Variants in KCNT2 observed in about 807,000 individuals in gnomAD.
KCNT2 encodes potassium sodium-activated channel subfamily T member 2, also known as potassium channel subfamily T member 2.
Under a neutral mutation model 153.8 loss-of-function variants are expected in KCNT2, and 67 were observed. The ratio of observed to expected loss-of-function variants is 0.44; its 90% CI spans 0.36 to 0.53. The LOEUF (loss-of-function observed/expected upper bound fraction) is 0.53, where lower values mean the gene tolerates loss of function less well. KCNT2 is among the 20% of genes least tolerant of loss of function. The pLI, the probability that KCNT2 is intolerant of heterozygous loss-of-function variation, is 0.00. For missense variants in KCNT2, 975 were observed against 1,354.8 expected, an observed-to-expected ratio of 0.72 and a Z score of 4.40; for synonymous variants, 500 against 458.8, an observed-to-expected ratio of 1.09 and a Z score of -1.15.
chr1:196,423,148 C>A, intron 11 of KCNT2, 35 bp from the exon 12 acceptor site: 1 of 1,345,910 alleles, frequency 7.4e-7, no homozygotes, highest in Non-Finnish European at 1.0e-6. Context: ...TAATCACACA[C>A]TGAAATATCT....
intron 12 of KCNT2, among the ~76,000 whole-genome samples, chr1:196,414,208 A>G (rs1672569507): frequency 6.6e-6 from 1 of 151,722 alleles, no homozygotes. Context: ...TTCACACGTA[A>G]CAGATTATTC....
At chr1:196,528,002 G>A (rs1654467099) in intron 1 of KCNT2, among the ~76,000 whole-genome samples, 1 of 152,174 alleles carries the variant, frequency 6.6e-6, no homozygotes, top group Non-Finnish European at 1.5e-5. Flanking sequence ...GGTCAGTAAT[G>A]GAATGACAGC....
intron 1 of KCNT2, among the ~76,000 whole-genome samples, chr1:196,492,935 G>T (rs576928172): frequency 6.6e-6 from 1 of 152,040 alleles, no homozygotes; most frequent in African/African-American, 2.4e-5. Context: ...AACTGTTAAG[G>T]TTACCACAGA....
intron 25 of KCNT2, among the ~76,000 whole-genome samples, chr1:196,265,074 C>T (rs535978325): frequency 2.6e-5 from 4 of 152,270 alleles, no homozygotes; most frequent in Admixed American, 2.0e-4. Context: ...CCTTTCAATA[C>T]CCTCTTAGTG....
rs1660007240 is a variant in KCNT2, at chr1:196,289,675, GCAAAGCTTTT to G, written c.2596-3927_2596-3918del. Among the ~76,000 whole-genome samples, 5 of 152,030 alleles carry G rather than the reference GCAAAGCTTTT, an allele frequency of 3.3e-5. No homozygotes were observed. The South Asian group carries it at 8.3e-4, about 25-fold the overall frequency. On this transcript the variant is annotated intron_variant, in intron 22 of 27. Coordinates refer to ENST00000294725, the MANE Select transcript of KCNT2 (RefSeq NM_198503.5). ...GTGAAGAATTGTAATGTCACAATAT[GCAAAGCTTTT>G]TTACTTTACTATGTCTAGTTATTGG...
intron 13 of KCNT2, among the ~76,000 whole-genome samples, chr1:196,391,469 G>T (rs1670487846): frequency 6.6e-6 from 1 of 151,180 alleles, no homozygotes; most frequent in African/African-American, 2.4e-5. Context: ...AAAAAAATAA[G>T]TATTATTTTA....
chr1:196,541,184 T>A (rs1057466331), intron 1 of KCNT2, among the ~76,000 whole-genome samples: 7 of 152,066 alleles, frequency 4.6e-5, no homozygotes, highest in Middle Eastern at 6.8e-3. Flanking sequence ...AAAATTATTA[T>A]ATCTCTTAGT....
chr1:196,587,846 G>A (rs950871854), intron 1 of KCNT2, among the ~76,000 whole-genome samples: 3 of 151,950 alleles, frequency 2.0e-5, no homozygotes, highest in Non-Finnish European at 2.9e-5. Context: ...AAAGTCCACT[G>A]CAAAATTAAG....
chr1:196,502,209 C>T lies in KCNT2; in HGVS notation c.96-9868G>A, dbSNP rs577735454. Among the ~76,000 whole-genome samples the T allele has an allele frequency of 1.1e-4, 17 of 152,252 alleles. No homozygotes were observed. The South Asian group carries it at 2.1e-3, about 19-fold the overall frequency. On this transcript the variant is annotated intron_variant, in intron 1 of 27. Coordinates refer to ENST00000294725, the MANE Select transcript of KCNT2 (RefSeq NM_198503.5). ...CCTCTACTCTATGTACACAGAGAAA[C>T]GCAATTTAAATGTTGTGCAATTTTT...
At chr1:196,250,449 C>T (rs1386155904) in intron 26 of KCNT2, among the ~76,000 whole-genome samples, 1 of 152,128 alleles carries the variant, frequency 6.6e-6, no homozygotes. Context: ...TGAAGCTAGA[C>T]CATTACCTCT....
At chr1:196,318,895 C>T (rs1663004561) in intron 20 of KCNT2, among the ~76,000 whole-genome samples, 1 of 151,634 alleles carries the variant, frequency 6.6e-6, no homozygotes, top group Non-Finnish European at 1.5e-5. Context: ...TATATTATTT[C>T]AAGTATATTA....
At chr1:196,606,592 T>C (rs1665348327) in intron 1 of KCNT2, among the ~76,000 whole-genome samples, 1 of 152,190 alleles carries the variant, frequency 6.6e-6, no homozygotes. Context: ...ATTACTAAAA[T>C]ATTTCTGCAG....
intron 1 of KCNT2, among the ~76,000 whole-genome samples, chr1:196,588,221 C>G (rs1285042215): frequency 6.6e-6 from 1 of 151,368 alleles, no homozygotes; most frequent in East Asian, 1.9e-4. Flanking sequence ...CTTGTAATAT[C>G]TGACTGAAAA....
At chr1:196,419,144 C>A (rs1460626761) in intron 12 of KCNT2, among the ~76,000 whole-genome samples, 1 of 151,528 alleles carries the variant, frequency 6.6e-6, no homozygotes, top group East Asian at 1.9e-4. Flanking sequence ...CTTCTTTCTA[C>A]TTTCTTTTTT....
At chr1:196,244,720 C>G (rs367955134) in intron 26 of KCNT2, among the ~76,000 whole-genome samples, 3 of 152,168 alleles carry the variant, frequency 2.0e-5, no homozygotes, top group Admixed American at 2.0e-4. Context: ...GTTTCTGACT[C>G]TAGGCCCTGA....
chr1:196,266,448 T>C (rs1430990098), intron 25 of KCNT2, among the ~76,000 whole-genome samples: 2 of 152,210 alleles, frequency 1.3e-5, no homozygotes, highest in South Asian at 4.1e-4. Context: ...AAATACTCCA[T>C]GGTCATAACA....
intron 9 of KCNT2, 36 bp downstream of exon 9, chr1:196,429,539 CTG>C (rs752275468): frequency 7.2e-7 from 1 of 1,391,450 alleles, no homozygotes; most frequent in South Asian, 1.4e-5. Context: ...TTTCATGTCT[CTG>C]TACATTTCTA....
At chr1:196,263,611 A>T (rs1657240718) in intron 25 of KCNT2, among the ~76,000 whole-genome samples, 1 of 152,072 alleles carries the variant, frequency 6.6e-6, no homozygotes, top group Non-Finnish European at 1.5e-5. Flanking sequence ...AGTAGGTAGA[A>T]CCTCTATTAC....
At chr1:196,573,425 T>C (rs1661001539) in intron 1 of KCNT2, among the ~76,000 whole-genome samples, 1 of 152,110 alleles carries the variant, frequency 6.6e-6, no homozygotes, top group African/African-American at 2.4e-5. Flanking sequence ...ATTTAATTGC[T>C]GAATCATGTT....
Sources: allele counts gnomAD v4.1 joint callset (sites outside exome capture counted in the v4.1 genomes callset), GRCh38; gene constraint gnomAD v4.1.1; transcripts MANE v1.5; gene names NCBI Gene and HGNC (gene_info 2026-07-23, HGNC 2026-07-21).